NRXN1: variants seen among roughly 807,000 people sequenced by gnomAD.
The protein encoded by NRXN1 is neurexin 1, also known as neurexin-1.
In NRXN1, 39 loss-of-function variants were observed where a neutral mutation model predicts 150.9. The observed-to-expected ratio is 0.26, with a 90% CI of 0.20 to 0.34. The LOEUF is 0.34. NRXN1 is among the 10% of genes least tolerant of loss of function. The probability of loss-of-function intolerance (pLI) is 1.00; values close to 1 mark genes in which losing one functional copy is unlikely to be tolerated. For synonymous variants in NRXN1, 924 were observed against 757.0 expected (o/e 1.22, Z -3.62); for missense variants, 1,815 against 1,949.9 (o/e 0.93, Z 1.30).
intron 5 of NRXN1, among the ~76,000 whole-genome samples, chr2:50,728,992 C>A (rs1044887609): frequency 3.9e-5 from 6 of 152,116 alleles, no homozygotes; most frequent in African/African-American, 1.4e-4. Context: ...TAATATGCTA[C>A]TGTGAAACCT....
At chr2:50,356,446 G>A (rs1347801343) in intron 17 of NRXN1, among the ~76,000 whole-genome samples, 1 of 152,042 alleles carries the variant, frequency 6.6e-6, no homozygotes, top group Non-Finnish European at 1.5e-5. Flanking sequence ...GACCTCTGAG[G>A]CATTTTGAAA....
intron 22 of NRXN1, among the ~76,000 whole-genome samples, chr2:49,939,667 A>G (rs1401708793): frequency 1.3e-5 from 2 of 152,198 alleles, no homozygotes; most frequent in Admixed American, 6.5e-5. Context: ...CAGGAAAAGT[A>G]ACAGCATTAT....
intron 5 of NRXN1, among the ~76,000 whole-genome samples, chr2:50,657,236 G>A (rs553117533): frequency 6.6e-6 from 1 of 152,048 alleles, no homozygotes; most frequent in South Asian, 2.1e-4. Flanking sequence ...AAGCCAGACA[G>A]TTCCCTGGAT....
chr2:50,004,970 T>C (rs887525903), intron 21 of NRXN1, among the ~76,000 whole-genome samples: 2 of 43,512 alleles, frequency 4.6e-5, no homozygotes, highest in African/African-American at 1.2e-4. Context: ...TTGTTTAACT[T>C]GTGGCATCAT....
At chr2:49,981,704 CTG>C (rs1680019127) in intron 21 of NRXN1, among the ~76,000 whole-genome samples, 2 of 152,040 alleles carry the variant, frequency 1.3e-5, no homozygotes, top group African/African-American at 4.8e-5. Context: ...ATTAACAAAA[CTG>C]TGAAATCTGA....
intron 21 of NRXN1, among the ~76,000 whole-genome samples, chr2:49,956,056 C>G (rs1674881799): frequency 6.6e-6 from 1 of 152,070 alleles, no homozygotes; most frequent in Non-Finnish European, 1.5e-5. Context: ...ATCTTTTACC[C>G]ATGTATTAAG....
At chr2:51,004,731 G>A (rs1446696159) in intron 2 of NRXN1, among the ~76,000 whole-genome samples, 1 of 151,888 alleles carries the variant, frequency 6.6e-6, no homozygotes, top group Non-Finnish European at 1.5e-5. Context: ...ACCTATAAAT[G>A]TTATGCAAAT....
At chr2:50,878,159 T>C (rs1050423357) in intron 5 of NRXN1, among the ~76,000 whole-genome samples, 1 of 151,908 alleles carries the variant, frequency 6.6e-6, no homozygotes, top group Non-Finnish European at 1.5e-5. Context: ...CGAGGAGAAT[T>C]ATAAAGTTAC....
chr2:50,922,516 A>C, intron 4 of NRXN1, 142 bp downstream of exon 4: 2 of 852,972 alleles, frequency 2.3e-6, no homozygotes, highest in Non-Finnish European at 3.9e-6. Context: ...AAACACATGA[A>C]AAAATGTGAA....
At position 50,054,970 on chromosome 2, in the gene NRXN1, ATTC is replaced by A. The variant is rs1458582910; in HGVS notation, c.3790_3792del (p.Glu1264del). 1 of 1,578,418 alleles carries A rather than the reference ATTC, an allele frequency of 6.3e-7. No individual in the cohort carries two copies. The highest frequency in any genetic ancestry group is 8.6e-7 in the Non-Finnish European group (1 of 1,164,278). ...TGTTTTTTACCTTTGTCGAGTAGCC[ATTC>A]ATCAACTACTCGACCAAGTCGATAT... On this transcript the variant is annotated inframe_deletion, in exon 20 of 23. Transcript: ENST00000401669.
At chr2:50,444,297 G>C (rs2086213137) in intron 17 of NRXN1, among the ~76,000 whole-genome samples, 1 of 152,064 alleles carries the variant, frequency 6.6e-6, no homozygotes, top group Non-Finnish European at 1.5e-5. Context: ...AAACAGTGTG[G>C]GACAGAGCTG....
At chr2:50,298,440 T>G (rs965967821) in intron 17 of NRXN1, among the ~76,000 whole-genome samples, 45 of 152,246 alleles carry the variant, frequency 3.0e-4, no homozygotes, top group African/African-American at 1.1e-3. Context: ...GAAATTTTCA[T>G]GAAAGACCTC....
intron 18 of NRXN1, among the ~76,000 whole-genome samples, chr2:50,234,221 C>T (rs1275778992): frequency 3.9e-5 from 6 of 152,036 alleles, no homozygotes; most frequent in African/African-American, 7.2e-5. Flanking sequence ...AGGCCGGGCA[C>T]GGTGGCTCAT....
intron 5 of NRXN1, among the ~76,000 whole-genome samples, chr2:50,781,317 A>T (rs1343902972): frequency 1.3e-5 from 2 of 152,064 alleles, no homozygotes; most frequent in African/African-American, 4.8e-5. Context: ...GAAACCCTAT[A>T]TCTGTGTTCC....
At chr2:50,812,878 A>G (rs947292896) in intron 5 of NRXN1, among the ~76,000 whole-genome samples, 3 of 151,944 alleles carry the variant, frequency 2.0e-5, no homozygotes, top group African/African-American at 7.2e-5. Context: ...ATCTTGAAAA[A>G]ATGGTTTTAA....
chr2:50,803,955 A>G (rs1281374803), intron 5 of NRXN1, among the ~76,000 whole-genome samples: 2 of 152,188 alleles, frequency 1.3e-5, no homozygotes, highest in Non-Finnish European at 2.9e-5. Flanking sequence ...CATAAACTTC[A>G]GAAGCTTTGT....
intron 8 of NRXN1, among the ~76,000 whole-genome samples, chr2:50,608,592 T>A (rs571608558): frequency 5.0e-4 from 76 of 152,286 alleles, no homozygotes; most frequent in African/African-American, 1.8e-3. Flanking sequence ...CACATATTGT[T>A]AAACAGATAA....
At chr2:50,670,968 T>G (rs1286817927) in intron 5 of NRXN1, among the ~76,000 whole-genome samples, 1 of 151,858 alleles carries the variant, frequency 6.6e-6, no homozygotes, top group African/African-American at 2.4e-5. Context: ...CACTTTAGAG[T>G]TAATAAATAC....
At chr2:50,884,899 C>T (rs1679995724) in intron 5 of NRXN1, among the ~76,000 whole-genome samples, 1 of 151,272 alleles carries the variant, frequency 6.6e-6, no homozygotes, top group African/African-American at 2.4e-5. Context: ...AGCGAAAATT[C>T]TGTCCTATGT....
Sources: gnomAD v4.1 joint callset for allele counts (sites outside exome capture counted in the v4.1 genomes callset) on GRCh38, gnomAD v4.1.1 for gene constraint, MANE v1.5 for transcripts, NCBI Gene and HGNC (gene_info 2026-07-23, HGNC 2026-07-21) for gene names.